NBPF3: variants seen among roughly 807,000 people sequenced by gnomAD.
The protein encoded by NBPF3 is NBPF member 3.
A neutral mutation model predicts 78.1 loss-of-function variants in NBPF3; 57 were observed. That is an observed-to-expected ratio of 0.73 (90% CI 0.59 to 0.91). The LOEUF (loss-of-function observed/expected upper bound fraction) is 0.91, where lower values mean the gene tolerates loss of function less well. Among genes scored for constraint, NBPF3 ranks in the 40% least tolerant of loss-of-function variants. The probability of loss-of-function intolerance (pLI) is 0.00; values close to 1 mark genes in which losing one functional copy is unlikely to be tolerated. For synonymous variants in NBPF3, 182 were observed against 271.7 expected (o/e 0.67, Z 3.25); for missense variants, 510 against 715.3 (o/e 0.71, Z 3.27).
chr1:21,479,280 C>T (rs1414347565), intron 9 of NBPF3, 69 bp from the exon 10 acceptor site: 2 of 1,497,848 alleles, frequency 1.3e-6, no homozygotes, highest in Admixed American at 3.4e-5. Flanking sequence ...TAGGATTGGA[C>T]AGAGGAATGT....
intron 2 of NBPF3, among the ~76,000 whole-genome samples, chr1:21,453,177 T>G (rs1425520475): frequency 6.6e-6 from 1 of 152,174 alleles, no homozygotes; most frequent in Non-Finnish European, 1.5e-5. Flanking sequence ...CACTTCCAGT[T>G]AGGTTTAGCA....
chr1:21,479,399 A>C lies in NBPF3; in HGVS notation c.1207A>C (p.Arg403=). 1 of 1,609,928 alleles carries C rather than the reference A, an allele frequency of 6.2e-7. No individual in the cohort carries two copies. The highest frequency in any genetic ancestry group is 8.5e-7 in the Non-Finnish European group (1 of 1,178,068). The change falls in exon 10 of 15, where the codon AGG becomes CGG. Residue 403 remains arginine, a splice_region_variant and synonymous_variant. Coordinates refer to ENST00000318249, the MANE Select transcript of NBPF3 (RefSeq NM_032264.6). ...GGAGGACCAAGAGGCCACAAGTCCC[A>C]GGTGAGTCTGAGAAATTATGGACAG... ...KKEDQEATSP[R]LSRELLDEKE...
In NBPF3 at chr1:21,484,868, T is replaced by C. The variant is rs1643384576; in HGVS notation, c.*1482T>C. On this transcript the variant is annotated 3_prime_UTR_variant, in exon 15 of 15. Coordinates refer to ENST00000318249, the MANE Select transcript of NBPF3 (RefSeq NM_032264.6). ...GTTTTAATTTTTGTCCAAAGTTATT[T>C]TAATCTATACAATTAAAAACTTTTG... 2 of 50,516 alleles carry C rather than the reference T, an allele frequency of 4.0e-5. 1 individual carries two copies. The highest frequency in any genetic ancestry group is 9.3e-5 in the Non-Finnish European group (2 of 21,600). The allele number at this position is 50,516 out of a possible 1,614,324, so 3.1% of individuals were successfully genotyped here. A position where few individuals can be genotyped will look rare whatever the true frequency, so the allele number is the denominator to read the frequency against.
chr1:21,444,838 C>G (rs1384761545), intron 1 of NBPF3, 110 bp from the exon 2 acceptor site: 2 of 388,096 alleles, frequency 5.2e-6, no homozygotes. Flanking sequence ...CACCTTTCAA[C>G]CTGCTCTTCC....
intron 9 of NBPF3, among the ~76,000 whole-genome samples, 177 bp from the exon 10 acceptor site, chr1:21,479,172 G>A (rs1643043103): frequency 1.3e-5 from 2 of 152,232 alleles, no homozygotes; most frequent in African/African-American, 4.8e-5. Flanking sequence ...CTCATGAAAG[G>A]AACCAAGTCA....
At chr1:21,443,995 T>C (rs1640816340) in intron 1 of NBPF3, among the ~76,000 whole-genome samples, 1 of 152,254 alleles carries the variant, frequency 6.6e-6, no homozygotes, top group Admixed American at 6.5e-5. Flanking sequence ...AATATAGTAT[T>C]CATTGTTGTT....
intron 9 of NBPF3, among the ~76,000 whole-genome samples, chr1:21,478,941 C>T (rs1202213942): frequency 1.3e-5 from 2 of 152,246 alleles, no homozygotes; most frequent in African/African-American, 2.4e-5. Context: ...AGAGCTGGTA[C>T]ATTGCACCCC....
chr1:21,463,818 G>A (rs369835278), intron 2 of NBPF3, among the ~76,000 whole-genome samples: 1 of 152,092 alleles, frequency 6.6e-6, no homozygotes, highest in South Asian at 2.1e-4. Context: ...TTCTCTAAAG[G>A]AAACACTCAA....
intron 2 of NBPF3, chr1:21,466,018 C>A: frequency 1.1e-5 from 7 of 626,200 alleles, no homozygotes; most frequent in Non-Finnish European, 1.4e-5. Context: ...CACAGCTGCC[C>A]ACTCTACAGT....
chr1:21,461,087 T>G (rs891084573), intron 2 of NBPF3, among the ~76,000 whole-genome samples: 1 of 152,166 alleles, frequency 6.6e-6, no homozygotes, highest in Non-Finnish European at 1.5e-5. Flanking sequence ...ATATTAAGTG[T>G]GTGGGAATGT....
At chr1:21,437,324 G>T, upstream of NBPF3, 1 of 431,128 alleles carries the variant, frequency 2.3e-6, no homozygotes, top group East Asian at 4.7e-5. Flanking sequence ...GTGGGTGGGG[G>T]CTTTGATTGG....
chr1:21,478,480 G>C (rs1643005066), intron 9 of NBPF3, among the ~76,000 whole-genome samples, 173 bp downstream of exon 9: 1 of 152,210 alleles, frequency 6.6e-6, no homozygotes, highest in Non-Finnish European at 1.5e-5. Context: ...CACAGGCGTG[G>C]GGTGGGTCAG....
intron 2 of NBPF3, among the ~76,000 whole-genome samples, chr1:21,446,922 C>T (rs1216865786): frequency 6.6e-6 from 1 of 152,132 alleles, no homozygotes; most frequent in East Asian, 1.9e-4. Flanking sequence ...TCTCCTTAAC[C>T]GATCTGCTAT....
At chr1:21,436,931 G>T, upstream of NBPF3, 1 of 385,286 alleles carries the variant, frequency 2.6e-6, no homozygotes. This position sits in a 1 kb window ranked among gnomAD's most constrained non-coding sequence, Gnocchi z 4.3. Flanking sequence ...GCGCCCTGGG[G>T]TGCAGCCAGA....
chr1:21,473,493 C>A lies in NBPF3; in HGVS notation c.848C>A (p.Thr283Asn). Residue 283 changes from threonine (T) to asparagine (N), a missense_variant, in exon 7 of 15, where the codon ACC (threonine) becomes AAC (asparagine). Thr to Asn is a moderately conservative substitution (Grantham distance 65). Coordinates refer to ENST00000318249, the MANE Select transcript of NBPF3 (RefSeq NM_032264.6). ...PCESNQPYGN[T>N]RITFEEDQVD... The stretch of plus-strand genomic sequence containing the variant: ...GAGTCCAACCAGCCTTACGGGAACA[C>A]CAGAATCACATTTGAGGAAGACCAA... The A allele has an allele frequency of 6.2e-7, 1 of 1,614,168 alleles. No homozygotes were observed.
intron 2 of NBPF3, 182 bp from the exon 3 acceptor site, chr1:21,468,506 T>A: frequency 8.2e-6 from 12 of 1,467,148 alleles, no homozygotes; most frequent in Non-Finnish European, 1.1e-5. Context: ...CCTTCAGCTC[T>A]GAGCTCAGGC....
rs771950830 is a variant in NBPF3, at chr1:21,468,856, C to T, written c.302C>T (p.Thr101Ile). The T allele has an allele frequency of 1.6e-5, 26 of 1,614,046 alleles. No individual in the cohort carries two copies. Among genetic ancestry groups the T allele is most frequent in the South Asian group, 1.3e-4 (12 of 91,082 alleles). ...FRNLKQKCLV[T>I]QVAYFLANRQ... Reference sequence around the variant, plus strand: ...AACCTCAAACAGAAATGTCTTGTAACTCAAGTGGCCTACTTCCTGGCCAAC... The same window carrying T: ...AACCTCAAACAGAAATGTCTTGTAATTCAAGTGGCCTACTTCCTGGCCAAC... Residue 101 changes from threonine to isoleucine, a missense_variant, in exon 3 of 15, where the codon ACT becomes ATT. Thr to Ile is a moderately conservative substitution (Grantham distance 89, BLOSUM62 -1). Around this residue, in one of 5 missense-constraint regions of NBPF3, gnomAD observed 440 missense variants for 478.2 expected, o/e 0.92. Transcript: ENST00000318249.
chr1:21,477,238 G>A (rs190499307), intron 8 of NBPF3, among the ~76,000 whole-genome samples: 26 of 152,158 alleles, frequency 1.7e-4, no homozygotes, highest in Admixed American at 4.6e-4. Flanking sequence ...CCTTTAGCTC[G>A]GAAAAGTTTA....
intron 3 of NBPF3, among the ~76,000 whole-genome samples, chr1:21,469,744 G>A (rs116456980): frequency 0.011 from 1,608 of 152,202 alleles, 18 homozygotes; most frequent in Middle Eastern, 0.017. Context: ...GAGAGTACCC[G>A]GTGAGAGGGA....
Sources: allele counts gnomAD v4.1 joint callset (sites outside exome capture counted in the v4.1 genomes callset), GRCh38; gene constraint gnomAD v4.1.1; regional missense constraint gnomAD v4.1.1; non-coding constraint Gnocchi (gnomAD v3.1); transcripts MANE v1.5; gene names NCBI Gene and HGNC (gene_info 2026-07-23, HGNC 2026-07-21).